The following B3GALT1 variants were observed in gnomAD, a reference collection of about 807,000 sequenced individuals.
B3GALT1 encodes the protein UDP-Gal:betaGlcNAc beta 1,3-galactosyltransferase, polypeptide 1.
A neutral mutation model predicts 23.2 loss-of-function variants in B3GALT1; 10 were observed. The ratio of observed to expected loss-of-function variants is 0.43; its 90% CI spans 0.27 to 0.73. B3GALT1 has a LOEUF of 0.73. Ranked by LOEUF, B3GALT1 falls within the 30% of genes least tolerant of loss-of-function variation. B3GALT1 has a pLI of 0.21. For missense variants in B3GALT1, 299 were observed against 405.4 expected, an observed-to-expected ratio of 0.74 and a Z score of 2.25; for synonymous variants, 156 against 141.5, an observed-to-expected ratio of 1.10 and a Z score of -0.73.
Position 167,869,920 on chromosome 2 carries a change from T to C in B3GALT1, c.881T>C (p.Leu294Ser). Residue 294 changes from leucine to serine, a missense_variant, in exon 5 of 5, where the codon TTG (leucine) becomes TCG (serine). Around this residue, in one of 3 missense-constraint regions of B3GALT1, gnomAD observed 133 missense variants for 204.8 expected, o/e 0.65. Transcript: ENST00000392690. This position sits in a 1 kb window ranked among gnomAD's most constrained non-coding sequence, Gnocchi z 6.4. ...GFNHWKMAYSLCRYRRVITVH... is the reference protein window; with the variant it reads ...GFNHWKMAYSSCRYRRVITVH... ...AATCACTGGAAAATGGCCTACAGTT[T>C]GTGTAGGTATCGCCGAGTTATCACT... 6.2e-7 allele frequency: 1 copy of C among 1,614,184 alleles called. No homozygotes were observed.
intron 2 of B3GALT1, among the ~76,000 whole-genome samples, chr2:167,605,263 G>A (rs1406698363): frequency 6.6e-6 from 1 of 152,196 alleles, no homozygotes. Context: ...ATTTTGCTGT[G>A]TAACAAACTA....
chr2:167,637,239 A>C (rs1685572294), intron 2 of B3GALT1, among the ~76,000 whole-genome samples: 1 of 151,964 alleles, frequency 6.6e-6, no homozygotes, highest in African/African-American at 2.4e-5. Context: ...GAAGGGCTTG[A>C]AATCACTCTG....
chr2:167,356,082 C>T (rs1284763824), intron 1 of B3GALT1, among the ~76,000 whole-genome samples: 2 of 152,138 alleles, frequency 1.3e-5, no homozygotes, highest in Non-Finnish European at 2.9e-5. Flanking sequence ...GAGTGTGAAG[C>T]CCAAGATTGG....
intron 4 of B3GALT1, among the ~76,000 whole-genome samples, chr2:167,847,419 TC>T (rs1689785152): frequency 6.6e-6 from 1 of 152,110 alleles, no homozygotes; most frequent in Non-Finnish European, 1.5e-5. Flanking sequence ...AAACTGGAAA[TC>T]AACTCCAAAA....
chr2:167,562,257 C>T (rs1482985408), intron 2 of B3GALT1, among the ~76,000 whole-genome samples: 2 of 152,194 alleles, frequency 1.3e-5, no homozygotes, highest in African/African-American at 2.4e-5. Flanking sequence ...AATTCAACAA[C>T]CCTTCATGCT....
At chr2:167,807,469 T>C (rs984126411) in intron 3 of B3GALT1, among the ~76,000 whole-genome samples, 234 of 152,286 alleles carry the variant, frequency 1.5e-3, no homozygotes, top group Non-Finnish European at 1.7e-3. Context: ...TAAATTTCCC[T>C]CTACACACTG....
chr2:167,439,046 T>G (rs1698835509), intron 1 of B3GALT1, among the ~76,000 whole-genome samples: 1 of 152,234 alleles, frequency 6.6e-6, no homozygotes, highest in Admixed American at 6.5e-5. Flanking sequence ...GAATAAATAT[T>G]CAAAGGCAAT....
At chr2:167,564,464 G>A (rs991221112) in intron 2 of B3GALT1, among the ~76,000 whole-genome samples, 2 of 152,056 alleles carry the variant, frequency 1.3e-5, no homozygotes, top group African/African-American at 2.4e-5. Context: ...ACGGGGTGGC[G>A]GCCGGGCAGA....
At chr2:167,498,852 T>A (rs1427726572) in intron 2 of B3GALT1, among the ~76,000 whole-genome samples, 1 of 152,122 alleles carries the variant, frequency 6.6e-6, no homozygotes. Flanking sequence ...GGACCCACTC[T>A]CAGTCTTTTA....
At chr2:167,626,794 T>G (rs903727188) in intron 2 of B3GALT1, among the ~76,000 whole-genome samples, 5 of 151,736 alleles carry the variant, frequency 3.3e-5, no homozygotes, top group Admixed American at 3.3e-4. Flanking sequence ...CAAATACATA[T>G]AGTAAATATT....
intron 2 of B3GALT1, among the ~76,000 whole-genome samples, chr2:167,571,321 T>G (rs1352092217): frequency 6.6e-6 from 1 of 151,916 alleles, no homozygotes; most frequent in Non-Finnish European, 1.5e-5. Context: ...CTCCAATGAT[T>G]TAGGCACAGG....
intron 4 of B3GALT1, among the ~76,000 whole-genome samples, chr2:167,838,525 GTAA>G (rs1689547099): frequency 6.6e-6 from 1 of 152,286 alleles, no homozygotes; most frequent in Non-Finnish European, 1.5e-5. Flanking sequence ...TGCAATTGTG[GTAA>G]TAATCAATAG....
intron 1 of B3GALT1, among the ~76,000 whole-genome samples, chr2:167,332,097 G>A (rs1696982207): frequency 6.6e-6 from 1 of 152,130 alleles, no homozygotes; most frequent in South Asian, 2.1e-4. Context: ...CTCTGTAGAA[G>A]TGACTTTTCA....
intron 2 of B3GALT1, among the ~76,000 whole-genome samples, chr2:167,603,996 G>A (rs1042807719): frequency 6.6e-6 from 1 of 151,436 alleles, no homozygotes; most frequent in Non-Finnish European, 1.5e-5. Context: ...AACTCAATGA[G>A]AAATGTTCTA....
chr2:167,783,209 A>T (rs1164844666), intron 3 of B3GALT1, among the ~76,000 whole-genome samples: 1 of 152,176 alleles, frequency 6.6e-6, no homozygotes, highest in Non-Finnish European at 1.5e-5. Context: ...TAAAAAAAAA[A>T]AGTAATGCCT....
At chr2:167,524,058 C>T (rs1263453739) in intron 2 of B3GALT1, among the ~76,000 whole-genome samples, 2 of 152,088 alleles carry the variant, frequency 1.3e-5, no homozygotes, top group East Asian at 3.9e-4. Flanking sequence ...ACATTTAGTG[C>T]TAAATTGCCC....
intron 3 of B3GALT1, among the ~76,000 whole-genome samples, chr2:167,695,332 T>C (rs903769645): frequency 4.6e-5 from 7 of 152,184 alleles, no homozygotes; most frequent in African/African-American, 1.7e-4. Flanking sequence ...TGATTAATTA[T>C]TGGTTGTCTT....
At chr2:167,733,266 T>A (rs763510326) in intron 3 of B3GALT1, among the ~76,000 whole-genome samples, 1 of 151,014 alleles carries the variant, frequency 6.6e-6, no homozygotes, top group Non-Finnish European at 1.5e-5. Flanking sequence ...AGTGCACTCT[T>A]AACCATTATG....
At chr2:167,518,909 G>A (rs1167544767) in intron 2 of B3GALT1, among the ~76,000 whole-genome samples, 3 of 152,104 alleles carry the variant, frequency 2.0e-5, no homozygotes, top group Non-Finnish European at 4.4e-5. Flanking sequence ...ACAATTGCAG[G>A]TTTGATTCCT....
Sources: gnomAD v4.1 joint callset for allele counts (sites outside exome capture counted in the v4.1 genomes callset) on GRCh38, gnomAD v4.1.1 for gene constraint, gnomAD v4.1.1 regional missense constraint, Gnocchi (gnomAD v3.1) non-coding constraint, MANE v1.5 for transcripts, NCBI Gene and HGNC (gene_info 2026-07-23, HGNC 2026-07-21) for gene names.